Variants in KIAA0825 observed in about 807,000 individuals in gnomAD.
KIAA0825 encodes KIAA0825, also known as uncharacterized protein KIAA0825.
A neutral mutation model predicts 147.6 loss-of-function variants in KIAA0825; 119 were observed. That is an observed-to-expected ratio of 0.81 (90% confidence interval 0.69 to 0.94). The LOEUF (loss-of-function observed/expected upper bound fraction) is 0.94. Among genes scored for constraint, KIAA0825 ranks in the 40% least tolerant of loss-of-function variants. KIAA0825 has a pLI of 0.00. For synonymous variants in KIAA0825, 470 were observed against 518.1 expected (o/e 0.91, Z 1.26); for missense variants, 1,381 against 1,472.7 (o/e 0.94, Z 1.02).
intron 2 of KIAA0825, among the ~76,000 whole-genome samples, chr5:94,552,664 G>T (rs961180477): frequency 9.9e-5 from 15 of 152,206 alleles, no homozygotes; most frequent in African/African-American, 3.6e-4. Flanking sequence ...ACCAATGGGT[G>T]AAGAAAGATA....
chr5:94,281,437 A>C (rs1408401197), intron 20 of KIAA0825, among the ~76,000 whole-genome samples: 1 of 152,082 alleles, frequency 6.6e-6, no homozygotes, highest in African/African-American at 2.4e-5. Context: ...ATTTTAAAAC[A>C]ACTGATGGCC....
chr5:94,420,445 A>T (rs1275393546), intron 14 of KIAA0825, among the ~76,000 whole-genome samples: 1 of 152,176 alleles, frequency 6.6e-6, no homozygotes, highest in Non-Finnish European at 1.5e-5. Context: ...TACTGACAAT[A>T]ACCACTGAAT....
chr5:94,557,857 C>T (rs1776840861), intron 2 of KIAA0825, among the ~76,000 whole-genome samples: 1 of 152,102 alleles, frequency 6.6e-6, no homozygotes, highest in African/African-American at 2.4e-5. Context: ...TTTTCTGGTC[C>T]CTGTTTGTTA....
intron 2 of KIAA0825, among the ~76,000 whole-genome samples, chr5:94,555,486 A>C (rs1776372631): frequency 6.6e-6 from 1 of 152,176 alleles, no homozygotes; most frequent in African/African-American, 2.4e-5. Flanking sequence ...TACTATGACT[A>C]TTAAAATTCC....
At position 94,457,064 on chromosome 5, in the gene KIAA0825, A is replaced by G. The variant is rs538133849; in HGVS notation, c.2247-3995T>C. On this transcript the variant is annotated intron_variant, in intron 12 of 20. Transcript: ENST00000682413. ...CTGGTTATAGTAAGGTTATTTGGCT[A>G]TAAGAGATATTATGGCAGATGTTTA... is the stretch of plus-strand genomic sequence containing the variant. 1.2e-4 allele frequency among the ~76,000 whole-genome samples: 19 copies of G among 152,356 alleles called. No individual in the cohort carries two copies. The South Asian group carries it at 3.9e-3, about 32-fold the overall frequency.
intron 20 of KIAA0825, among the ~76,000 whole-genome samples, chr5:94,209,959 C>T (rs1772553111): frequency 6.6e-6 from 1 of 152,178 alleles, no homozygotes; most frequent in Non-Finnish European, 1.5e-5. Flanking sequence ...TCACAGTCTT[C>T]CTTCGCAGAG....
intron 1 of KIAA0825, among the ~76,000 whole-genome samples, chr5:94,598,162 G>A (rs1785654291): frequency 6.6e-6 from 1 of 151,674 alleles, no homozygotes; most frequent in African/African-American, 2.4e-5. Context: ...TTTTACTTTT[G>A]TGTAATAACA....
chr5:94,593,096 A>C, intron 1 of KIAA0825: 1 of 729,674 alleles, frequency 1.4e-6, no homozygotes, highest in East Asian at 2.5e-5. Context: ...AATAAATTCA[A>C]ATTAATGAAT....
At chr5:94,560,350 C>G (rs960042602) in intron 2 of KIAA0825, among the ~76,000 whole-genome samples, 4 of 152,122 alleles carry the variant, frequency 2.6e-5, no homozygotes, top group African/African-American at 7.2e-5. Context: ...CTCAGTATGT[C>G]CAAAATTTAA....
intron 20 of KIAA0825, among the ~76,000 whole-genome samples, chr5:94,331,931 G>A (rs1781309261): frequency 6.6e-6 from 1 of 151,954 alleles, no homozygotes; most frequent in South Asian, 2.1e-4. Context: ...TGGACCTTAG[G>A]TGGGTGGATC....
At chr5:94,170,411 G>A (rs1314174663) in intron 20 of KIAA0825, among the ~76,000 whole-genome samples, 1 of 152,224 alleles carries the variant, frequency 6.6e-6, no homozygotes, top group African/African-American at 2.4e-5. Context: ...AGTGGTGGCA[G>A]ATTAGGAATG....
Position 94,470,060 on chromosome 5 carries a change from TAG to T in KIAA0825, c.1771_1772del (p.Leu591ThrfsTer21). 1 of 1,551,622 alleles carries T rather than the reference TAG, an allele frequency of 6.4e-7. No individual in the cohort carries two copies. The highest frequency in any genetic ancestry group is 8.7e-7 in the Non-Finnish European group (1 of 1,146,906). On this transcript the variant is annotated frameshift_variant, in exon 10 of 21. Coordinates refer to ENST00000682413, the MANE Select transcript of KIAA0825 (RefSeq NM_001145678.3). LOFTEE classifies it high-confidence loss of function. ...CGCAGTAGTTCGTAACCTGAAACTG[TAG>T]AGTGTTGATGAATTCCTGATATCGT... is the stretch of plus-strand genomic sequence containing the variant. ...VQRYQEFINT[L>X]QFQVTNYCVR...
intron 16 of KIAA0825, among the ~76,000 whole-genome samples, chr5:94,400,527 C>G (rs1247391759): frequency 6.6e-6 from 1 of 152,058 alleles, no homozygotes; most frequent in Admixed American, 6.6e-5. Context: ...TTTCTGTTTC[C>G]TCTCTCTAGA....
chr5:94,299,218 A>G (rs1778270344), intron 20 of KIAA0825, among the ~76,000 whole-genome samples: 1 of 151,704 alleles, frequency 6.6e-6, no homozygotes, highest in Non-Finnish European at 1.5e-5. Flanking sequence ...ATCTTTATTT[A>G]TTTATTTATT....
chr5:94,450,176 T>C (rs1401193318), intron 13 of KIAA0825, among the ~76,000 whole-genome samples: 1 of 151,758 alleles, frequency 6.6e-6, no homozygotes, highest in Admixed American at 6.6e-5. Flanking sequence ...TAAAATTGCT[T>C]GCAATCCTAC....
intron 20 of KIAA0825, among the ~76,000 whole-genome samples, chr5:94,321,379 C>T (rs1253850455): frequency 1.3e-5 from 2 of 151,872 alleles, no homozygotes; most frequent in Admixed American, 6.6e-5. Context: ...AAAGTGATTA[C>T]TTTGGGCCAG....
At chr5:94,172,695 T>G (rs1426293687) in intron 20 of KIAA0825, among the ~76,000 whole-genome samples, 3 of 152,292 alleles carry the variant, frequency 2.0e-5, no homozygotes, top group African/African-American at 7.2e-5. Context: ...CATGATTTTT[T>G]TTTTGGCTTT....
chr5:94,305,291 A>T (rs1375824589), intron 20 of KIAA0825, among the ~76,000 whole-genome samples: 1 of 151,934 alleles, frequency 6.6e-6, no homozygotes, highest in African/African-American at 2.4e-5. Context: ...TTGCAAACAG[A>T]AATCTCTTTC....
intron 2 of KIAA0825, among the ~76,000 whole-genome samples, chr5:94,548,069 T>A (rs888957841): frequency 1.3e-5 from 2 of 152,084 alleles, no homozygotes; most frequent in African/African-American, 4.8e-5. Context: ...GAAGAAATCA[T>A]CTGAAGACAC....
Sources: gnomAD v4.1 joint callset for allele counts (sites outside exome capture counted in the v4.1 genomes callset) on GRCh38, gnomAD v4.1.1 for gene constraint, MANE v1.5 for transcripts, NCBI Gene and HGNC (gene_info 2026-07-23, HGNC 2026-07-21) for gene names.